The following DCLRE1B variants were observed in gnomAD, a reference collection of about 807,000 sequenced individuals.
DCLRE1B encodes the protein DNA cross-link repair 1B.
DCLRE1B carries 6 observed loss-of-function variants against 19.8 expected under a neutral mutation model. That is an observed-to-expected ratio of 0.30 (90% CI 0.17 to 0.60). The LOEUF (loss-of-function observed/expected upper bound fraction) is 0.60, where lower values mean the gene tolerates loss of function less well. DCLRE1B is among the 20% of genes least tolerant of loss of function. DCLRE1B has a pLI of 0.87. For synonymous variants in DCLRE1B, 258 were observed against 255.7 expected (o/e 1.01, Z -0.09); for missense variants, 622 against 654.2 (o/e 0.95, Z 0.54).
In DCLRE1B at chr1:113,905,395, C is replaced by G; in HGVS notation, c.-192C>G. On this transcript the variant is annotated 5_prime_UTR_variant, in exon 1 of 4. Transcript: ENST00000650450. The stretch of plus-strand genomic sequence containing the variant: ...TGTCCAGCGCCCTCCGCGATTTGGG[C>G]TCCAGCGGGCAGGGTGACTTCCTTT... The G allele has an allele frequency of 1.6e-6, 1 of 620,568 alleles. No individual in the cohort carries two copies. Among genetic ancestry groups the G allele is most frequent in the Non-Finnish European group, 2.7e-6 (1 of 369,450 alleles). The allele number at this position is 620,568 out of a possible 1,614,324, so 38.4% of individuals were successfully genotyped here.
At position 113,912,019 on chromosome 1, in the gene DCLRE1B, G is replaced by C. The variant is rs747709113; in HGVS notation, c.1427G>C (p.Trp476Ser). ...GAAGCCACAGGGAATCAGAGTGCCTGGATGGGCCATGGTTCTCCCCTGTCC... is the reference window on the plus strand; with the variant it reads ...GAAGCCACAGGGAATCAGAGTGCCTCGATGGGCCATGGTTCTCCCCTGTCC... Reference protein sequence around the residue: ...GPEATGNQSAWMGHGSPLSHS... With the variant: ...GPEATGNQSASMGHGSPLSHS... Residue 476 changes from tryptophan (W) to serine (S), a missense_variant, in exon 4 of 4, where the codon TGG becomes TCG. Around this residue, in one of 3 missense-constraint regions of DCLRE1B, gnomAD observed 382 missense variants for 412.5 expected, o/e 0.93. Transcript: ENST00000650450. 1.2e-6 allele frequency: 2 copies of C among 1,614,196 alleles called. No homozygotes were observed. Among genetic ancestry groups the C allele is most frequent in the Non-Finnish European group, 1.7e-6 (2 of 1,180,038 alleles).
chr1:113,904,627 T>G (rs753932633), upstream of DCLRE1B: 7 of 1,613,740 alleles, frequency 4.3e-6, no homozygotes, highest in South Asian at 1.1e-5. Context: ...TGGATGACAT[T>G]CCGGTAGCGC....
chr1:113,906,014 A>AAGTAGGAAT (rs1668923428), intron 1 of DCLRE1B, among the ~76,000 whole-genome samples: 1 of 149,740 alleles, frequency 6.7e-6, no homozygotes, highest in Non-Finnish European at 1.5e-5. Flanking sequence ...CTACCTTTAT[A>AAGTAGGAAT]AGTAAGCTAG....
At chr1:113,907,362 T>C (rs1159195742) in intron 2 of DCLRE1B, among the ~76,000 whole-genome samples, 1 of 151,882 alleles carries the variant, frequency 6.6e-6, no homozygotes, top group Non-Finnish European at 1.5e-5. Flanking sequence ...CTGGCAGACT[T>C]TTCTTGAGCA....
Position 113,908,001 on chromosome 1 carries a change from T to A in DCLRE1B, c.356-8T>A. The A allele has an allele frequency of 1.9e-6, 3 of 1,612,038 alleles. No homozygotes were observed. The highest frequency in any genetic ancestry group is 1.7e-6 in the Non-Finnish European group (2 of 1,178,930). ...TGACCTTCTGCCCCCATGTACATAT[T>A]CCTCCAGGTGATTTTCGATACACAC... is the stretch of plus-strand genomic sequence containing the variant. On this transcript the variant is annotated splice_region_variant and splice_polypyrimidine_tract_variant and intron_variant, in intron 2 of 3. Transcript: ENST00000650450.
chr1:113,909,988 C>T (rs941076431), intron 3 of DCLRE1B, among the ~76,000 whole-genome samples: 2 of 152,110 alleles, frequency 1.3e-5, no homozygotes, highest in African/African-American at 4.8e-5. Flanking sequence ...TTTGAAACTT[C>T]TTCAGAAAAA....
In DCLRE1B at chr1:113,912,245, A is replaced by G. The variant is rs138823155; in HGVS notation, c.*54A>G. The G allele has an allele frequency of 5.1e-4, 770 of 1,503,534 alleles. 5 individuals carry two copies. In the East Asian group the frequency reaches 0.011, roughly 22 times the overall value. 93.1% of individuals were successfully genotyped at this position (1,503,534 alleles called of 1,614,324 possible). The stretch of plus-strand genomic sequence containing the variant: ...GAGCCCACACTGCAGTTTTGAAGAT[A>G]GTAACTGATGGCTGGTGGGAAAGAG... On this transcript the variant is annotated 3_prime_UTR_variant, in exon 4 of 4. Coordinates refer to ENST00000650450, the MANE Select transcript of DCLRE1B (RefSeq NM_022836.4).
rs776154047 is a variant in DCLRE1B at position 113,913,569 on chromosome 1, A to T, written c.*1378A>T. The stretch of plus-strand genomic sequence containing the variant: ...TCTGTGGCACCCTGAGCAATTACTT[A>T]AATTGTGGAGCCTAGTTCCTCATCT... On this transcript the variant is annotated 3_prime_UTR_variant, in exon 4 of 4. Coordinates refer to ENST00000650450, the MANE Select transcript of DCLRE1B (RefSeq NM_022836.4). The T allele has an allele frequency of 6.5e-6, 1 of 152,680 alleles. No individual in the cohort carries two copies. Among genetic ancestry groups the T allele is most frequent in the Non-Finnish European group, 1.5e-5 (1 of 68,036 alleles). 9.5% of individuals were successfully genotyped at this position (152,680 alleles called of 1,614,324 possible).
rs1198175758 is a variant in DCLRE1B at position 113,905,718 on chromosome 1, G to T, written c.132G>T (p.Trp44Cys). The T allele has an allele frequency of 5.6e-6, 9 of 1,614,084 alleles. No homozygotes were observed. Among genetic ancestry groups the T allele is most frequent in the Non-Finnish European group, 6.8e-6 (8 of 1,180,016 alleles). The change falls in exon 1 of 4, where the codon TGG becomes TGT. Residue 44 changes from tryptophan (W) to cysteine (C), a missense_variant. This residue lies in a region of DCLRE1B where 237 missense variants were observed against 223.8 expected (regional missense o/e 1.06). Transcript: ENST00000650450. ...ACACCGTGGGCCTGTCTAGCACCTG[G>T]GCCCGGCCCCTCTACTGCTCCCCAA... is the stretch of plus-strand genomic sequence containing the variant. Reference protein sequence around the residue: ...SDHTVGLSSTWARPLYCSPIT... With the variant: ...SDHTVGLSSTCARPLYCSPIT...
upstream of DCLRE1B, chr1:113,904,757 G>A (rs1668761294): frequency 2.0e-6 from 3 of 1,536,414 alleles, no homozygotes; most frequent in Non-Finnish European, 2.7e-6. Context: ...AGCTCCCACG[G>A]TAACTCGAGG....
chr1:113,904,739 G>C, upstream of DCLRE1B: 1 of 1,591,480 alleles, frequency 6.3e-7, no homozygotes, highest in Non-Finnish European at 8.6e-7. Flanking sequence ...TCACAGGGCA[G>C]CTCCCACAGC....
In DCLRE1B at chr1:113,905,367, G is replaced by C. The variant is rs539964700; in HGVS notation, c.-220G>C. The C allele has an allele frequency of 2.7e-5, 15 of 558,484 alleles. No homozygotes were observed. The highest frequency in any genetic ancestry group is 3.7e-5 in the Non-Finnish European group (12 of 323,842). The allele number at this position is 558,484 out of a possible 1,614,324, so 34.6% of individuals were successfully genotyped here. A position where few individuals can be genotyped will look rare whatever the true frequency, so the allele number is the denominator to read the frequency against. On this transcript the variant is annotated 5_prime_UTR_variant, in exon 1 of 4. Coordinates refer to ENST00000650450, the MANE Select transcript of DCLRE1B (RefSeq NM_022836.4). ...TCGGCCTCCGCTCCCGCGCGGTTGGGAGTGTCCAGCGCCCTCCGCGATTTG... is the reference window on the plus strand; with the variant it reads ...TCGGCCTCCGCTCCCGCGCGGTTGGCAGTGTCCAGCGCCCTCCGCGATTTG...
intron 3 of DCLRE1B, 41 bp downstream of exon 3, chr1:113,908,232 T>C (rs752603600): frequency 6.3e-7 from 1 of 1,585,356 alleles, no homozygotes; most frequent in East Asian, 2.2e-5. Context: ...CTGTAGATAG[T>C]GAACTAGATT....
rs192144956 is a variant in DCLRE1B at position 113,907,613 on chromosome 1, G to A, written c.356-396G>A. The stretch of plus-strand genomic sequence containing the variant: ...GCCTCCCAAGTAGCTGGGATGACAG[G>A]CGCCTGCCACCACGCCCAGCTAATT... On this transcript the variant is annotated intron_variant, in intron 2 of 3. Coordinates refer to ENST00000650450, the MANE Select transcript of DCLRE1B (RefSeq NM_022836.4). Among the ~76,000 whole-genome samples, 811 of 152,128 alleles carry A rather than the reference G, an allele frequency of 5.3e-3. 4 individuals carry two copies. The highest frequency in any genetic ancestry group is 0.019 in the African/African-American group (775 of 41,484).
At chr1:113,907,595 A>G (rs1669083534) in intron 2 of DCLRE1B, among the ~76,000 whole-genome samples, 1 of 151,738 alleles carries the variant, frequency 6.6e-6, no homozygotes, top group Admixed American at 6.6e-5. Context: ...TCAGCCTCCC[A>G]AGTAGCTGGG....
chr1:113,907,218 T>TTTTTTG, intron 2 of DCLRE1B, 57 bp downstream of exon 2: 1 of 1,228,936 alleles, frequency 8.1e-7, no homozygotes, highest in Non-Finnish European at 1.1e-6. Context: ...TTTTTTTTTT[T>TTTTTTG]TTTTTTTTTT....
At position 113,911,585 on chromosome 1, in the gene DCLRE1B, T is replaced by C. The variant is rs750879802; in HGVS notation, c.993T>C (p.Ser331=). The change falls in exon 4 of 4, where the codon TCT becomes TCC. Residue 331 remains serine (S), a synonymous_variant. Coordinates refer to ENST00000650450, the MANE Select transcript of DCLRE1B (RefSeq NM_022836.4). ...DSVQQYMSSS[S]RKPSLLWLLE... ...TACAGCAATACATGAGTTCTTCCTC[T>C]AGAAAACCAAGCCTTCTCTGGCTGT... 15 of 1,597,876 alleles carry C rather than the reference T, an allele frequency of 9.4e-6. No homozygotes were observed. Among genetic ancestry groups the C allele is most frequent in the Non-Finnish European group, 1.3e-5 (15 of 1,172,004 alleles).
chr1:113,905,764 C>G lies in DCLRE1B; in HGVS notation c.178C>G (p.Arg60Gly), dbSNP rs764770290. ...CSPITAHLLH[R>G]HLQVSKQWIQ... is the part of the protein sequence containing the mutation. Reference sequence around the variant, plus strand: ...CCCAATTACAGCCCACCTCTTGCATCGTCACCTACAGGTATGGGGCTGGAG... The same window carrying G: ...CCCAATTACAGCCCACCTCTTGCATGGTCACCTACAGGTATGGGGCTGGAG... The change falls in exon 1 of 4, where the codon CGT (arginine) becomes GGT (glycine). Residue 60 changes from arginine (R) to glycine (G), a missense_variant. Transcript: ENST00000650450. 33 of 1,613,132 alleles carry G rather than the reference C, an allele frequency of 2.0e-5. No homozygotes were observed. The highest frequency in any genetic ancestry group is 4.0e-5 in the African/African-American group (3 of 74,900).
At position 113,905,585 on chromosome 1, in the gene DCLRE1B, C is replaced by T; in HGVS notation, c.-2C>T. ...CCCACTGGTGACTCCAACCCTACCACCATGAATGGGGTCCTGATCCCCCAT... is the reference window on the plus strand; with the variant it reads ...CCCACTGGTGACTCCAACCCTACCATCATGAATGGGGTCCTGATCCCCCAT... On this transcript the variant is annotated 5_prime_UTR_variant, in exon 1 of 4. Transcript: ENST00000650450. The T allele has an allele frequency of 6.2e-7, 1 of 1,614,060 alleles. No individual in the cohort carries two copies. The highest frequency in any genetic ancestry group is 8.5e-7 in the Non-Finnish European group (1 of 1,180,016).
Sources: gnomAD v4.1 joint callset for allele counts (sites outside exome capture counted in the v4.1 genomes callset) on GRCh38, gnomAD v4.1.1 for gene constraint, gnomAD v4.1.1 regional missense constraint, MANE v1.5 for transcripts, NCBI Gene and HGNC (gene_info 2026-07-23, HGNC 2026-07-21) for gene names.